BICDL1: variants seen among roughly 807,000 people sequenced by gnomAD.
The protein encoded by BICDL1 is BICD family-like cargo adapter 1.
Under a neutral mutation model 76.8 loss-of-function variants are expected in BICDL1, and 20 were observed. That is an observed-to-expected ratio of 0.26 (90% confidence interval 0.18 to 0.38). The LOEUF is 0.38. Among genes scored for constraint, BICDL1 ranks in the 10% least tolerant of loss-of-function variants. The probability of loss-of-function intolerance (pLI) is 1.00; values close to 1 mark genes in which losing one functional copy is unlikely to be tolerated. For synonymous variants in BICDL1, 383 were observed against 337.1 expected (o/e 1.14, Z -1.49); for missense variants, 700 against 798.6 (o/e 0.88, Z 1.49).
intron 7 of BICDL1, 39 bp downstream of exon 7, chr12:120,074,625 C>CA: frequency 6.6e-6 from 7 of 1,064,132 alleles, no homozygotes; most frequent in Non-Finnish European, 8.0e-6. Context: ...AGGGCATGTG[C>CA]ACCTGCCCCT....
Position 120,093,169 on chromosome 12 carries a change from G to A in BICDL1, c.*8G>A, listed in dbSNP as rs773326326. On this transcript the variant is annotated 3_prime_UTR_variant, in exon 10 of 10. Transcript: ENST00000548673. ...TTCTTCAGGAAAATTTAAGTTGGGA[G>A]GAGTCAGGCCACCAAAGATGGGTGG... 6.3e-7 allele frequency: 1 copy of A among 1,579,154 alleles called. No individual in the cohort carries two copies. Among genetic ancestry groups the A allele is most frequent in the South Asian group, 1.1e-5 (1 of 87,780 alleles).
At chr12:120,030,052 C>T (rs773456598) in intron 2 of BICDL1, among the ~76,000 whole-genome samples, 5 of 152,120 alleles carry the variant, frequency 3.3e-5, no homozygotes, top group African/African-American at 9.7e-5. Context: ...ATATATTCAG[C>T]GTACAACATG....
At chr12:120,012,048 G>A (rs538966308) in intron 2 of BICDL1, among the ~76,000 whole-genome samples, 1 of 152,338 alleles carries the variant, frequency 6.6e-6, no homozygotes, top group South Asian at 2.1e-4. Flanking sequence ...CTCACATGAT[G>A]TGGTATATCA....
In BICDL1 at chr12:120,072,586, G is replaced by T; in HGVS notation, c.1165G>T (p.Asp389Tyr). ...ACACCTTCGAGGCAATGACAGTGCT[G>T]ACTCAGCCGTCTCCACGGACTCCTC... ...CSHLRGNDSA[D>Y]SAVSTDSSMD... The change falls in exon 6 of 10, where the codon GAC becomes TAC. Residue 389 changes from aspartate (D) to tyrosine (Y), a missense_variant. This residue lies in a region of BICDL1 where 455 missense variants were observed against 548.7 expected (regional missense o/e 0.83). Transcript: ENST00000548673. The T allele has an allele frequency of 6.2e-7, 1 of 1,614,222 alleles. No individual in the cohort carries two copies. Among genetic ancestry groups the T allele is most frequent in the Non-Finnish European group, 8.5e-7 (1 of 1,180,038 alleles).
intron 4 of BICDL1, among the ~76,000 whole-genome samples, chr12:120,066,612 G>A (rs1475228517): frequency 1.3e-5 from 2 of 152,122 alleles, no homozygotes; most frequent in African/African-American, 4.8e-5. Context: ...GACTGAGAAG[G>A]TGTCATTCAC....
At chr12:119,992,337 T>C (rs1472859076) in intron 1 of BICDL1, 2 of 152,234 alleles carry the variant, frequency 1.3e-5, no homozygotes, top group Non-Finnish European at 2.9e-5. Context: ...GTTTGAACAA[T>C]GTAGGTTTTA....
chr12:120,090,714 G>C (rs966910109), intron 9 of BICDL1: 1 of 378,784 alleles, frequency 2.6e-6, no homozygotes, highest in Admixed American at 3.6e-5. Flanking sequence ...ATGAAAAGCC[G>C]TCTGTGGCTT....
At chr12:120,068,483 G>C (rs1178208915) in intron 4 of BICDL1, among the ~76,000 whole-genome samples, 2 of 152,186 alleles carry the variant, frequency 1.3e-5, no homozygotes, top group Non-Finnish European at 2.9e-5. Flanking sequence ...AGGGTCTGCT[G>C]TATTAAAAGC....
At chr12:120,011,499 G>T (rs1594111160) in intron 2 of BICDL1, among the ~76,000 whole-genome samples, 1 of 151,996 alleles carries the variant, frequency 6.6e-6, no homozygotes, top group Non-Finnish European at 1.5e-5. Context: ...ACCTTTTTTG[G>T]TACACATTCA....
chr12:120,090,715 T>A, intron 9 of BICDL1: 1 of 380,040 alleles, frequency 2.6e-6, no homozygotes, highest in African/African-American at 2.1e-5. Context: ...TGAAAAGCCG[T>A]CTGTGGCTTT....
At chr12:120,046,183 T>A (rs1280076870) in intron 2 of BICDL1, among the ~76,000 whole-genome samples, 1 of 152,182 alleles carries the variant, frequency 6.6e-6, no homozygotes, top group Non-Finnish European at 1.5e-5. Flanking sequence ...AGCAAGTGCC[T>A]AAATTCCCTA....
At chr12:120,018,079 G>A (rs1223081263) in intron 2 of BICDL1, among the ~76,000 whole-genome samples, 1 of 152,130 alleles carries the variant, frequency 6.6e-6, no homozygotes, top group Non-Finnish European at 1.5e-5. Flanking sequence ...TGCTATTCCT[G>A]TGTTCTAAAG....
chr12:120,048,776 T>G (rs1952798543), intron 2 of BICDL1, among the ~76,000 whole-genome samples: 1 of 152,206 alleles, frequency 6.6e-6, no homozygotes, highest in Non-Finnish European at 1.5e-5. Flanking sequence ...CCCCAGTACC[T>G]AGGATAAATC....
Position 119,990,119 on chromosome 12 carries a change from C to T in BICDL1, c.251C>T (p.Ala84Val). 1 of 1,549,508 alleles carries T rather than the reference C, an allele frequency of 6.5e-7. No homozygotes were observed. The highest frequency in any genetic ancestry group is 8.7e-7 in the Non-Finnish European group (1 of 1,146,848). The change falls in exon 1 of 10, where the codon GCC (alanine) becomes GTC (valine). Residue 84 changes from alanine to valine, a missense_variant. By Grantham distance (64) the Ala-to-Val change is moderately conservative (BLOSUM62 0). Transcript: ENST00000548673. Reference protein sequence around the residue: ...EHPQAEPGSLAEGAGPQPPPS... With the variant: ...EHPQAEPGSLVEGAGPQPPPS... ...CCTCAGGCCGAGCCTGGGTCTCTGG[C>T]CGAGGGGGCCGGACCGCAGCCGCCG... is the stretch of plus-strand genomic sequence containing the variant.
chr12:120,058,662 C>T (rs1312123609), intron 2 of BICDL1, among the ~76,000 whole-genome samples: 1 of 148,532 alleles, frequency 6.7e-6, no homozygotes, highest in African/African-American at 2.5e-5. Context: ...GCGATCTTGG[C>T]TCACTGCAAC....
At chr12:120,045,062 A>C (rs960824255) in intron 2 of BICDL1, among the ~76,000 whole-genome samples, 2 of 152,188 alleles carry the variant, frequency 1.3e-5, no homozygotes, top group African/African-American at 4.8e-5. Flanking sequence ...CAATGAACTC[A>C]AACAAATTTA....
At chr12:120,026,656 A>G (rs112909785) in intron 2 of BICDL1, among the ~76,000 whole-genome samples, 2 of 152,236 alleles carry the variant, frequency 1.3e-5, no homozygotes, top group Non-Finnish European at 2.9e-5. Context: ...AGAGGGTTCT[A>G]TGGGTTTCTG....
chr12:120,032,450 A>C (rs1408517361), intron 2 of BICDL1, among the ~76,000 whole-genome samples: 1 of 152,208 alleles, frequency 6.6e-6, no homozygotes, highest in African/African-American at 2.4e-5. Flanking sequence ...ATTTTCTAAG[A>C]CCAGATGATA....
Position 119,989,903 on chromosome 12 carries a change from C to T in BICDL1, c.35C>T (p.Ala12Val). The part of the protein sequence containing the change: ...SAFCLGLVGR[A>V]SAPAEPDSAC... ...TTCTGCCTGGGCTTGGTCGGCCGCG[C>T]TTCAGCACCCGCCGAGCCGGACAGC... The change falls in exon 1 of 10, where the codon GCT becomes GTT. Residue 12 changes from alanine (A) to valine (V), a missense_variant. Physicochemically the swap from Ala to Val is moderately conservative, Grantham distance 64. Transcript: ENST00000548673. 2.1e-6 allele frequency: 3 copies of T among 1,451,500 alleles called. No individual in the cohort carries two copies. The highest frequency in any genetic ancestry group is 2.7e-6 in the Non-Finnish European group (3 of 1,114,044). The allele number at this position is 1,451,500 out of a possible 1,614,324, so 89.9% of individuals were successfully genotyped here.
Sources: allele counts gnomAD v4.1 joint callset (sites outside exome capture counted in the v4.1 genomes callset), GRCh38; gene constraint gnomAD v4.1.1; regional missense constraint gnomAD v4.1.1; transcripts MANE v1.5; gene names NCBI Gene and HGNC (gene_info 2026-07-23, HGNC 2026-07-21).